Variants in SLC7A10 observed in about 807,000 individuals in gnomAD.
SLC7A10 encodes asc-type amino acid transporter 1.
Under a neutral mutation model 52.7 loss-of-function variants are expected in SLC7A10, and 30 were observed. The observed-to-expected ratio is 0.57, with a 90% confidence interval of 0.43 to 0.77. SLC7A10 has a LOEUF of 0.77. Ranked by LOEUF, SLC7A10 falls within the 30% of genes least tolerant of loss-of-function variation. The pLI is 0.00. For missense variants in SLC7A10, 581 were observed against 698.5 expected (o/e 0.83, Z 1.90); for synonymous variants, 318 against 314.9 (o/e 1.01, Z -0.10).
At chr19:33,215,631 C>CCCCCACACCTTCTCTCCATCCCG in intron 2 of SLC7A10, 138 bp downstream of exon 2, 4 of 444,178 alleles carry the variant, frequency 9.0e-6, no homozygotes, top group East Asian at 5.3e-5. Context: ...TCTCCATCCA[C>CCCCCACACCTTCTCTCCATCCCG]CCCCCACACC....
chr19:33,210,447 C>A lies in SLC7A10; in HGVS notation c.1263+20G>T, dbSNP rs773026071. 6.4e-7 allele frequency: 1 copy of A among 1,568,330 alleles called. No individual in the cohort carries two copies. The highest frequency in any genetic ancestry group is 1.8e-5 in the Admixed American group (1 of 54,622). Reference sequence around the variant, plus strand: ...GCTCTGGCAGCACCCGGCACAGGGCCAGCTGTCCCAGGGCCTCACCTTGAT... The same window carrying A: ...GCTCTGGCAGCACCCGGCACAGGGCAAGCTGTCCCAGGGCCTCACCTTGAT... On this transcript the variant is annotated intron_variant, in intron 9 of 10. Coordinates refer to ENST00000253188, the MANE Select transcript of SLC7A10 (RefSeq NM_019849.3). The surrounding 1 kb of genome is among the most constrained non-coding windows in gnomAD (Gnocchi z 5.6).
chr19:33,208,801 G>GA lies in SLC7A10; in HGVS notation c.*89dup, dbSNP rs1204562041. 4.5e-6 allele frequency: 7 copies of GA among 1,566,088 alleles called. No individual in the cohort carries two copies. The East Asian group carries it at 1.3e-4, about 30-fold the overall frequency. ...TCGTATCTTTTTTCTTTTTTTTCCA[G>GA]AAAAAAACAAAACAAAACTTTTTTG... On this transcript the variant is annotated 3_prime_UTR_variant, in exon 11 of 11. Coordinates refer to ENST00000253188, the MANE Select transcript of SLC7A10 (RefSeq NM_019849.3). The surrounding 1 kb of genome is among the most constrained non-coding windows in gnomAD (Gnocchi z 4.7).
At position 33,215,887 on chromosome 19, in the gene SLC7A10, C is replaced by A. The variant is rs779747154; in HGVS notation, c.238G>T (p.Val80Phe). Residue 80 changes from valine to phenylalanine, a missense_variant, in exon 2 of 11, where the codon GTC (valine) becomes TTC (phenylalanine). By Grantham distance (50) the Val-to-Phe change is conservative. Coordinates refer to ENST00000253188, the MANE Select transcript of SLC7A10 (RefSeq NM_019849.3). ...AGAGCCGTCACGCCCCCACCCAGGA[C>A]CCAGACGAACAGGGCCAGACCCACG... is the stretch of plus-strand genomic sequence containing the variant. ...GSVGLALFVW[V>F]LGGGVTALGS... is the part of the protein sequence containing the mutation. The A allele has an allele frequency of 6.8e-6, 11 of 1,610,822 alleles. No homozygotes were observed. The East Asian group carries it at 2.5e-4, about 36-fold the overall frequency.
In SLC7A10 at chr19:33,225,616, C is replaced by G. The variant is rs764768779; in HGVS notation, c.88G>C (p.Ala30Pro). ...TTCTTGAGCGCCACCCGCTCCGAGG[C>G]GCCGGGGACGGTCCCTGGGACTGGG... ...PSPVPGTVPGASERVALKKEI... is the reference protein window; with the variant it reads ...PSPVPGTVPGPSERVALKKEI... The change falls in exon 1 of 11, where the codon GCC becomes CCC. Residue 30 changes from alanine (A) to proline (P), a missense_variant. Transcript: ENST00000253188. The G allele has an allele frequency of 1.3e-5, 21 of 1,592,948 alleles. No homozygotes were observed. The African/African-American group carries it at 2.8e-4, about 21-fold the overall frequency.
rs1317554641 is a variant in SLC7A10, at chr19:33,210,879, G to A, written c.1036C>T (p.Arg346Cys). ...TYSRLCFSGA[R>C]EGHLPSLLAM... ...AGCAGGCTGGGCAGGTGCCCCTCGCGGGCTCCAGAGAAGCACAGCCTAGCG... is the reference window on the plus strand; with the variant it reads ...AGCAGGCTGGGCAGGTGCCCCTCGCAGGCTCCAGAGAAGCACAGCCTAGCG... Residue 346 changes from arginine to cysteine, a missense_variant, in exon 8 of 11, where the codon CGC becomes TGC. Coordinates refer to ENST00000253188, the MANE Select transcript of SLC7A10 (RefSeq NM_019849.3). The surrounding 1 kb of genome is among the most constrained non-coding windows in gnomAD (Gnocchi z 5.6). The A allele has an allele frequency of 1.9e-6, 3 of 1,613,280 alleles. No homozygotes were observed. The highest frequency in any genetic ancestry group is 2.2e-5 in the East Asian group (1 of 44,868).
chr19:33,225,121 TA>T (rs1974894459), intron 1 of SLC7A10, among the ~76,000 whole-genome samples: 1 of 152,178 alleles, frequency 6.6e-6, no homozygotes, highest in Non-Finnish European at 1.5e-5. Context: ...CTGCACACAG[TA>T]GGTACTCAGA....
chr19:33,212,512 A>C lies in SLC7A10; in HGVS notation c.634+2T>G. ...CCGGCCCTTACCCCGACTCGGCCCT[A>C]CCTTGGAAGATCTGGAGAAGGCCCA... On this transcript the variant is annotated splice_donor_variant, in intron 4 of 10. Transcript: ENST00000253188. LOFTEE classifies it high-confidence loss of function. 6.2e-7 allele frequency: 1 copy of C among 1,613,968 alleles called. No individual in the cohort carries two copies. Among genetic ancestry groups the C allele is most frequent in the Non-Finnish European group, 8.5e-7 (1 of 1,180,030 alleles).
rs200770121 is a variant in SLC7A10 at position 33,210,877 on chromosome 19, G to A, written c.1038C>T (p.Arg346=). Residue 346 remains arginine, a synonymous_variant, in exon 8 of 11, where the codon CGC becomes CGT. Transcript: ENST00000253188. The surrounding 1 kb of genome is among the most constrained non-coding windows in gnomAD (Gnocchi z 5.6). ...CCAGCAGGCTGGGCAGGTGCCCCTC[G>A]CGGGCTCCAGAGAAGCACAGCCTAG... ...TYSRLCFSGA[R]EGHLPSLLAM... is the part of the protein sequence containing the mutation. 10 of 1,613,278 alleles carry A rather than the reference G, an allele frequency of 6.2e-6. No individual in the cohort carries two copies. The highest frequency in any genetic ancestry group is 2.7e-5 in the African/African-American group (2 of 75,038).
chr19:33,211,113 C>T (rs772850317), intron 7 of SLC7A10, 112 bp downstream of exon 7: 12 of 1,117,664 alleles, frequency 1.1e-5, no homozygotes, highest in African/African-American at 3.1e-5. Flanking sequence ...ATCCCAGCTT[C>T]AGGCAGACCC....
rs367706089 is a variant in SLC7A10 at position 33,211,215 on chromosome 19, G to A, written c.1016+10C>T. ...CCCTCCCCATGCCCACGTCTCCCCA[G>A]TGCAGTCACCTGGAGTAGGTGAACA... On this transcript the variant is annotated intron_variant, in intron 7 of 10. Transcript: ENST00000253188. 5.9e-5 allele frequency: 95 copies of A among 1,612,552 alleles called. No homozygotes were observed. The African/African-American group carries it at 1.1e-3, about 19-fold the overall frequency.
In SLC7A10 at chr19:33,210,753, C is replaced by T. The variant is rs373125564; in HGVS notation, c.1113+49G>A. Reference sequence around the variant, plus strand: ...CATTACCCGGAAGGTCCTGCATTGCCGGGTAGCCCTGCCTCCACGCCCTGC... The same window carrying T: ...CATTACCCGGAAGGTCCTGCATTGCTGGGTAGCCCTGCCTCCACGCCCTGC... On this transcript the variant is annotated intron_variant, in intron 8 of 10. Transcript: ENST00000253188. The surrounding 1 kb of genome is among the most constrained non-coding windows in gnomAD (Gnocchi z 5.6). The T allele has an allele frequency of 1.3e-4, 209 of 1,610,510 alleles. No homozygotes were observed. Among genetic ancestry groups the T allele is most frequent in the Middle Eastern group, 1.7e-4 (1 of 5,886 alleles).
In SLC7A10 at chr19:33,212,759, G is replaced by A; in HGVS notation, c.508+92C>T. 2.5e-6 allele frequency: 4 copies of A among 1,605,810 alleles called. No homozygotes were observed. The Admixed American group carries it at 5.0e-5, about 20-fold the overall frequency. On this transcript the variant is annotated intron_variant, in intron 3 of 10. Coordinates refer to ENST00000253188, the MANE Select transcript of SLC7A10 (RefSeq NM_019849.3). ...CTATAGCAGCTGGAATTTTCTGAAGGGAAATTTCACCCCTCTGTCCTCCTG... is the reference window on the plus strand; with the variant it reads ...CTATAGCAGCTGGAATTTTCTGAAGAGAAATTTCACCCCTCTGTCCTCCTG...
At chr19:33,209,513 T>C in intron 9 of SLC7A10, 28 bp from the exon 10 acceptor site, 1 of 1,612,266 alleles carries the variant, frequency 6.2e-7, no homozygotes, top group Non-Finnish European at 8.5e-7. Flanking sequence ...GAAACACCGA[T>C]GGTGCAGGGC....
At chr19:33,221,964 C>T (rs996675768) in intron 1 of SLC7A10, among the ~76,000 whole-genome samples, 24 of 152,156 alleles carry the variant, frequency 1.6e-4, no homozygotes, top group African/African-American at 5.3e-4. Context: ...GCAGACTTCC[C>T]TGGCCGTCTG....
chr19:33,212,200 G>A lies in SLC7A10; in HGVS notation c.788+92C>T, dbSNP rs1438147592. 5.2e-6 allele frequency: 8 copies of A among 1,534,214 alleles called. No homozygotes were observed. The East Asian group carries it at 2.0e-4, about 37-fold the overall frequency. On this transcript the variant is annotated intron_variant, in intron 5 of 10. Transcript: ENST00000253188. ...CGTGGGCCACCGAGGACCAGCCCGAGCCTTGGGTGGCAGTGGGGCTGGGCG... is the reference window on the plus strand; with the variant it reads ...CGTGGGCCACCGAGGACCAGCCCGAACCTTGGGTGGCAGTGGGGCTGGGCG...
Position 33,210,505 on chromosome 19 carries a change from G to A in SLC7A10, c.1225C>T (p.Leu409=), listed in dbSNP as rs1336620999. 6.2e-7 allele frequency: 1 copy of A among 1,608,250 alleles called. No individual in the cohort carries two copies. Among genetic ancestry groups the A allele is most frequent in the Non-Finnish European group, 8.5e-7 (1 of 1,179,552 alleles). The change falls in exon 9 of 11, where the codon CTG becomes TTG. Residue 409 remains leucine (L), a synonymous_variant. Coordinates refer to ENST00000253188, the MANE Select transcript of SLC7A10 (RefSeq NM_019849.3). The surrounding 1 kb of genome is among the most constrained non-coding windows in gnomAD (Gnocchi z 5.6). ...TGGAGTGCAGGCCGCCTCCAGCGCAGCAGCAGCAGGCCCAGGATGGTGACG... is the reference window on the plus strand; with the variant it reads ...TGGAGTGCAGGCCGCCTCCAGCGCAACAGCAGCAGGCCCAGGATGGTGACG... ...YGVTILGLLL[L]RWRRPALHRP...
At chr19:33,223,348 G>A (rs1486641672) in intron 1 of SLC7A10, among the ~76,000 whole-genome samples, 1 of 151,282 alleles carries the variant, frequency 6.6e-6, no homozygotes, top group African/African-American at 2.4e-5. Flanking sequence ...AGAAAGGAAA[G>A]GAAAGGAAGC....
At chr19:33,220,691 G>A (rs997262768) in intron 1 of SLC7A10, among the ~76,000 whole-genome samples, 3 of 152,072 alleles carry the variant, frequency 2.0e-5, no homozygotes, top group Non-Finnish European at 2.9e-5. Context: ...TATATGCAAC[G>A]AACCACTCAG....
intron 1 of SLC7A10, among the ~76,000 whole-genome samples, chr19:33,216,760 AG>A (rs1974694978): frequency 6.6e-6 from 1 of 151,972 alleles, no homozygotes; most frequent in Admixed American, 6.6e-5. Context: ...GTACTTTTTT[AG>A]TAGAGATGGG....
Sources: allele counts gnomAD v4.1 joint callset (sites outside exome capture counted in the v4.1 genomes callset), GRCh38; gene constraint gnomAD v4.1.1; non-coding constraint Gnocchi (gnomAD v3.1); transcripts MANE v1.5; gene names NCBI Gene and HGNC (gene_info 2026-07-23, HGNC 2026-07-21).